NIPAL2: variants seen among roughly 807,000 people sequenced by gnomAD.
The protein encoded by NIPAL2 is NIPA-like protein 2.
Under a neutral mutation model 48.9 loss-of-function variants are expected in NIPAL2, and 43 were observed. The ratio of observed to expected loss-of-function variants is 0.88; its 90% CI spans 0.69 to 1.13. The LOEUF (loss-of-function observed/expected upper bound fraction) is 1.13. Ranked by LOEUF, NIPAL2 falls within the 50% of genes most tolerant of loss-of-function variation. The pLI, the probability that NIPAL2 is intolerant of heterozygous loss-of-function variation, is 0.00. For missense variants in NIPAL2, 446 were observed against 461.4 expected (o/e 0.97, Z 0.31); for synonymous variants, 167 against 174.6 (o/e 0.96, Z 0.34).
chr8:98,196,593 A>G (rs1810563691), intron 8 of NIPAL2, among the ~76,000 whole-genome samples: 1 of 152,242 alleles, frequency 6.6e-6, no homozygotes, highest in Non-Finnish European at 1.5e-5. Context: ...CCAAAGGTAA[A>G]CAAGGATGCA....
rs772855047 is a variant in NIPAL2, at chr8:98,236,156, G to A, written c.435C>T (p.Leu145=). The A allele has an allele frequency of 1.8e-5, 28 of 1,571,298 alleles. No homozygotes were observed. The highest frequency in any genetic ancestry group is 6.8e-5 in the African/African-American group (5 of 73,626). The change falls in exon 4 of 11, where the codon CTC becomes CTT. Residue 145 remains leucine, a splice_region_variant and synonymous_variant. Coordinates refer to ENST00000430223, the MANE Select transcript of NIPAL2 (RefSeq NM_001321635.2). ...LKDNLRASDL[L]GTTLAFAGTY... ...TACATGAATTAAATAATTACTTACC[G>A]AGTAAGTCTGAGGCTCTCAAATTGT...
chr8:98,216,550 C>G (rs1330515755), intron 5 of NIPAL2, among the ~76,000 whole-genome samples: 1 of 152,166 alleles, frequency 6.6e-6, no homozygotes, highest in African/African-American at 2.4e-5. Flanking sequence ...GTTTCTAATA[C>G]CTGATGGTGG....
chr8:98,240,870 A>G (rs573514631), intron 3 of NIPAL2, among the ~76,000 whole-genome samples: 2 of 152,238 alleles, frequency 1.3e-5, no homozygotes, highest in East Asian at 3.9e-4. Flanking sequence ...CCTGGGTTTG[A>G]GTGTTGCTCT....
intron 1 of NIPAL2, among the ~76,000 whole-genome samples, chr8:98,266,972 T>G (rs1415613164): frequency 6.6e-6 from 1 of 150,654 alleles, no homozygotes; most frequent in Non-Finnish European, 1.5e-5. Flanking sequence ...AATGGTTCCT[T>G]TAAAAAAAAA....
At chr8:98,244,243 G>A (rs1813146715) in intron 3 of NIPAL2, among the ~76,000 whole-genome samples, 1 of 148,582 alleles carries the variant, frequency 6.7e-6, no homozygotes, top group Admixed American at 6.7e-5. Context: ...AGTAATAAGG[G>A]GGATGGGCTC....
At chr8:98,232,726 T>G (rs928866928) in intron 4 of NIPAL2, among the ~76,000 whole-genome samples, 2 of 147,666 alleles carry the variant, frequency 1.4e-5, no homozygotes, top group Non-Finnish European at 3.0e-5. Flanking sequence ...ATAATAGCTT[T>G]CTGATACTAA....
intron 1 of NIPAL2, among the ~76,000 whole-genome samples, chr8:98,289,531 T>C (rs949673806): frequency 6.6e-6 from 1 of 151,986 alleles, no homozygotes; most frequent in Non-Finnish European, 1.5e-5. Context: ...TTTTTTCTTT[T>C]TAAGGGACAG....
intron 8 of NIPAL2, among the ~76,000 whole-genome samples, chr8:98,201,875 A>G (rs959857596): frequency 6.6e-6 from 1 of 152,142 alleles, no homozygotes; most frequent in Non-Finnish European, 1.5e-5. Context: ...TGACAGTCAC[A>G]TTGTTTTCCA....
At chr8:98,268,784 C>T (rs554004000) in intron 1 of NIPAL2, among the ~76,000 whole-genome samples, 64 of 152,222 alleles carry the variant, frequency 4.2e-4, no homozygotes, top group African/African-American at 1.3e-3. Context: ...ATACAAAAGT[C>T]GTGTTTACAC....
intron 3 of NIPAL2, among the ~76,000 whole-genome samples, chr8:98,238,929 T>G (rs1812851320): frequency 6.6e-6 from 1 of 152,078 alleles, no homozygotes. Flanking sequence ...TGGTAGAGCA[T>G]GAGAAAAGGT....
chr8:98,260,090 A>T (rs7833113), intron 1 of NIPAL2, among the ~76,000 whole-genome samples: 1,997 of 152,298 alleles, frequency 0.013, 40 homozygotes, highest in African/African-American at 0.046. Context: ...GTACAAAAAA[A>T]GGTGAGATAT....
intron 1 of NIPAL2, among the ~76,000 whole-genome samples, chr8:98,268,654 AC>A (rs1814925998): frequency 6.6e-6 from 1 of 151,262 alleles, no homozygotes; most frequent in African/African-American, 2.4e-5. Flanking sequence ...AAAGAAAAAA[AC>A]CCCACAAAAT....
At chr8:98,244,845 C>G (rs1020341177) in intron 3 of NIPAL2, among the ~76,000 whole-genome samples, 1 of 152,118 alleles carries the variant, frequency 6.6e-6, no homozygotes, top group Non-Finnish European at 1.5e-5. Context: ...TTGAGCCAGT[C>G]AAAACATGGG....
intron 4 of NIPAL2, among the ~76,000 whole-genome samples, chr8:98,223,945 A>C (rs1433117492): frequency 6.6e-6 from 1 of 152,222 alleles, no homozygotes; most frequent in Non-Finnish European, 1.5e-5. Flanking sequence ...AATTGTTCAA[A>C]AGCAGGTTCC....
At chr8:98,289,881 A>G (rs1382128650) in intron 1 of NIPAL2, among the ~76,000 whole-genome samples, 1 of 152,228 alleles carries the variant, frequency 6.6e-6, no homozygotes, top group Non-Finnish European at 1.5e-5. Flanking sequence ...AGCTACTAGT[A>G]GAAAAGAGAT....
chr8:98,209,923 T>C (rs1232683811), intron 6 of NIPAL2, among the ~76,000 whole-genome samples: 2 of 152,084 alleles, frequency 1.3e-5, no homozygotes, highest in Non-Finnish European at 2.9e-5. Flanking sequence ...ATATAGCTTT[T>C]TAACAACTCC....
intron 3 of NIPAL2, among the ~76,000 whole-genome samples, chr8:98,237,465 C>T (rs1189771706): frequency 1.3e-5 from 2 of 152,044 alleles, no homozygotes; most frequent in East Asian, 3.9e-4. Context: ...CTCTGACCTC[C>T]CATTTCCCCC....
chr8:98,290,577 A>G (rs1409745801), intron 1 of NIPAL2, among the ~76,000 whole-genome samples: 1 of 152,212 alleles, frequency 6.6e-6, no homozygotes, highest in African/African-American at 2.4e-5. Flanking sequence ...ATTTTTACCA[A>G]TAAGGAAACT....
chr8:98,205,313 C>T, intron 6 of NIPAL2, 67 bp from the exon 7 acceptor site: 1 of 1,417,926 alleles, frequency 7.1e-7, no homozygotes, highest in South Asian at 1.3e-5. Context: ...ATATCTTAAG[C>T]TTATGTAGTA....
Sources: gnomAD v4.1 joint callset for allele counts (sites outside exome capture counted in the v4.1 genomes callset) on GRCh38, gnomAD v4.1.1 for gene constraint, MANE v1.5 for transcripts, NCBI Gene and HGNC (gene_info 2026-07-23, HGNC 2026-07-21) for gene names.